The following YEATS4 variants were observed in gnomAD, a reference collection of about 807,000 sequenced individuals.
YEATS4 encodes the protein YEATS domain-containing protein 4.
A neutral mutation model predicts 30.1 loss-of-function variants in YEATS4; 17 were observed. That is an observed-to-expected ratio of 0.56 (90% confidence interval 0.39 to 0.85). The LOEUF (loss-of-function observed/expected upper bound fraction) is 0.85, where lower values mean the gene tolerates loss of function less well. YEATS4 is among the 40% of genes least tolerant of loss of function. YEATS4 has a pLI of 0.00. For missense variants in YEATS4, 142 were observed against 268.3 expected (o/e 0.53, Z 3.29); for synonymous variants, 85 against 87.5 (o/e 0.97, Z 0.16).
chr12:69,373,218 G>T (rs542502533), intron 6 of YEATS4, among the ~76,000 whole-genome samples: 1 of 152,274 alleles, frequency 6.6e-6, no homozygotes, highest in South Asian at 2.1e-4. Context: ...TCTCCAAACT[G>T]TTGGCCATAG....
chr12:69,370,677 C>T (rs569654600), intron 4 of YEATS4, 29 bp from the exon 5 acceptor site: 1 of 1,498,964 alleles, frequency 6.7e-7, no homozygotes, highest in East Asian at 2.3e-5. Flanking sequence ...AACCATTGCA[C>T]AGATTTGACA....
the YEATS4 span, among the ~76,000 whole-genome samples, chr12:69,426,265 T>C: frequency 6.6e-6 from 1 of 152,100 alleles, no homozygotes; most frequent in East Asian, 1.9e-4. Context: ...ATAAACTATT[T>C]GTATATGCCC....
chr12:69,378,926 C>T (rs1875968075), intron 6 of YEATS4, among the ~76,000 whole-genome samples: 1 of 147,806 alleles, frequency 6.8e-6, no homozygotes, highest in African/African-American at 2.5e-5. Flanking sequence ...TGAAGAACTT[C>T]AGCATTTCTT....
At chr12:69,410,053 C>G in the YEATS4 span, among the ~76,000 whole-genome samples, 8 of 152,312 alleles carry the variant, frequency 5.3e-5, no homozygotes, top group South Asian at 1.7e-3. Context: ...AAAACTTTTC[C>G]TGTTTAAGCC....
intron 6 of YEATS4, among the ~76,000 whole-genome samples, chr12:69,384,149 A>G (rs1286987207): frequency 6.6e-6 from 1 of 152,234 alleles, no homozygotes; most frequent in Non-Finnish European, 1.5e-5. Flanking sequence ...TGAACATAAA[A>G]CAGTTAAGTA....
At chr12:69,363,244 C>T (rs544958682) in intron 2 of YEATS4, among the ~76,000 whole-genome samples, 19 of 151,980 alleles carry the variant, frequency 1.3e-4, no homozygotes, top group Admixed American at 7.2e-4. Context: ...CCACCCGCCT[C>T]GGCCTCCCAA....
chr12:69,375,526 C>T (rs160830), intron 6 of YEATS4, among the ~76,000 whole-genome samples: 8,891 of 152,234 alleles, frequency 0.058, 376 homozygotes, highest in African/African-American at 0.12. Context: ...GCTGTAATCT[C>T]GGCACTTTGG....
intron 2 of YEATS4, chr12:69,364,339 T>A (rs1875347042): frequency 4.1e-6 from 1 of 244,422 alleles, no homozygotes. Flanking sequence ...TTTTAAATAA[T>A]AAAGTTAGAT....
chr12:69,386,739 C>A (rs1185105374), intron 6 of YEATS4, among the ~76,000 whole-genome samples: 1 of 152,150 alleles, frequency 6.6e-6, no homozygotes, highest in South Asian at 2.1e-4. Flanking sequence ...AAAATGTACT[C>A]ATGTCACAAA....
the YEATS4 span, among the ~76,000 whole-genome samples, chr12:69,403,899 C>T: frequency 6.6e-6 from 1 of 151,812 alleles, no homozygotes; most frequent in Non-Finnish European, 1.5e-5. Flanking sequence ...TTGAAAATTC[C>T]TTTCTCTTTC....
the YEATS4 span, among the ~76,000 whole-genome samples, chr12:69,399,276 C>T: frequency 6.0e-5 from 9 of 150,476 alleles, no homozygotes; most frequent in Admixed American, 2.0e-4. Context: ...TGACAAGAGT[C>T]GAGTATCCAG....
downstream of YEATS4, among the ~76,000 whole-genome samples, chr12:69,394,617 G>GTGTTTGTT (rs60206769): frequency 0.059 from 9,007 of 151,388 alleles, 395 homozygotes; most frequent in African/African-American, 0.12. Context: ...TGGAGATAGT[G>GTGTTTGTT]TGTTTGTTTG....
the YEATS4 span, among the ~76,000 whole-genome samples, chr12:69,400,502 G>A: frequency 6.6e-6 from 1 of 151,736 alleles, no homozygotes. Context: ...CAAAGAATAT[G>A]ATCAAGTAAT....
chr12:69,396,605 T>G, the YEATS4 span, among the ~76,000 whole-genome samples: 39 of 152,328 alleles, frequency 2.6e-4, no homozygotes, highest in African/African-American at 8.7e-4. Flanking sequence ...TTAACTCATG[T>G]TCTCAAAATT....
At chr12:69,388,218 G>A (rs1868275705) in intron 6 of YEATS4, among the ~76,000 whole-genome samples, 1 of 152,060 alleles carries the variant, frequency 6.6e-6, no homozygotes, top group Non-Finnish European at 1.5e-5. Context: ...TCGCCACCAT[G>A]CCCAGCTAAT....
At chr12:69,387,255 A>G (rs1490886595) in intron 6 of YEATS4, among the ~76,000 whole-genome samples, 1 of 152,240 alleles carries the variant, frequency 6.6e-6, no homozygotes, top group Admixed American at 6.5e-5. Flanking sequence ...CCCCAATAGT[A>G]ATAAGATGAA....
intron 4 of YEATS4, among the ~76,000 whole-genome samples, chr12:69,366,753 T>G (rs1262436318): frequency 7.2e-5 from 11 of 152,214 alleles, no homozygotes; most frequent in Admixed American, 7.2e-4. Context: ...ATTTACATTT[T>G]AATTATCAGA....
the YEATS4 span, among the ~76,000 whole-genome samples, chr12:69,396,502 G>T: frequency 6.6e-6 from 1 of 152,086 alleles, no homozygotes; most frequent in Non-Finnish European, 1.5e-5. Flanking sequence ...GTAAGCTGAG[G>T]TTTACTGTTA....
chr12:69,418,809 C>T, the YEATS4 span, among the ~76,000 whole-genome samples: 2 of 151,824 alleles, frequency 1.3e-5, no homozygotes, highest in Admixed American at 1.3e-4. Context: ...TTGAGCCAGG[C>T]ATAGTGGTGC....
Sources: allele counts gnomAD v4.1 joint callset (sites outside exome capture counted in the v4.1 genomes callset), GRCh38; gene constraint gnomAD v4.1.1; transcripts MANE v1.5; gene names NCBI Gene and HGNC (gene_info 2026-07-23, HGNC 2026-07-21).